HSD17B11: variants seen among roughly 807,000 people sequenced by gnomAD.
HSD17B11 encodes the protein estradiol 17-beta-dehydrogenase 11.
A neutral mutation model predicts 27.8 loss-of-function variants in HSD17B11; 22 were observed. That is an observed-to-expected ratio of 0.79 (90% CI 0.56 to 1.13). The LOEUF (loss-of-function observed/expected upper bound fraction) is 1.13. Ranked by LOEUF, HSD17B11 falls within the 50% of genes most tolerant of loss-of-function variation. HSD17B11 has a pLI of 0.00. For missense variants in HSD17B11, 314 were observed against 351.1 expected (o/e 0.89, Z 0.84); for synonymous variants, 117 against 132.8 (o/e 0.88, Z 0.82).
chr4:87,361,378 A>G (rs2110119357), intron 4 of HSD17B11, among the ~76,000 whole-genome samples: 1 of 152,306 alleles, frequency 6.6e-6, no homozygotes, highest in South Asian at 2.1e-4. Flanking sequence ...TGTTTAGCAT[A>G]TTATCAAAAA....
intron 4 of HSD17B11, among the ~76,000 whole-genome samples, chr4:87,361,517 T>C (rs1402814030): frequency 2.6e-5 from 4 of 152,254 alleles, no homozygotes; most frequent in East Asian, 1.9e-4. Context: ...CCTGTAATCC[T>C]GGCACTCTGG....
Position 87,344,924 on chromosome 4 carries a change from T to C in HSD17B11, c.696-4318A>G, listed in dbSNP as rs543309387. ...AGACAAATGAGAAACCACAAGAAAT[T>C]AGAAAATACTTTGAGGTGAACATAA... is the stretch of plus-strand genomic sequence containing the variant. On this transcript the variant is annotated intron_variant, in intron 5 of 6. Coordinates refer to ENST00000358290, the MANE Select transcript of HSD17B11 (RefSeq NM_016245.5). Among the ~76,000 whole-genome samples, 6 of 152,084 alleles carry C rather than the reference T, an allele frequency of 3.9e-5. No homozygotes were observed. In the South Asian group the frequency reaches 1.2e-3, roughly 32 times the overall value.
In HSD17B11 at chr4:87,370,755, A is replaced by ATTATTTT. The variant is rs70957229; in HGVS notation, c.557+1953_557+1954insAAAATAA. ...TATTATTATTATTATTATTATTATT[A>ATTATTTT]TTTTTTTTTTTTTTTGAGACGGAGT... On this transcript the variant is annotated intron_variant, in intron 4 of 6. Transcript: ENST00000358290. Among the ~76,000 whole-genome samples, 572 of 57,412 alleles carry ATTATTTT rather than the reference A, an allele frequency of 1.0e-2. 16 individuals are homozygous for ATTATTTT. Among genetic ancestry groups the ATTATTTT allele is most frequent in the East Asian group, 0.051 (122 of 2,406 alleles). 37.7% of individuals were successfully genotyped at this position (57,412 alleles called of 152,430 possible). A position where few individuals can be genotyped will look rare whatever the true frequency, so the allele number is the denominator to read the frequency against.
intron 2 of HSD17B11, among the ~76,000 whole-genome samples, chr4:87,377,790 A>AGT (rs1560768628): frequency 6.6e-6 from 1 of 152,218 alleles, no homozygotes; most frequent in African/African-American, 2.4e-5. Flanking sequence ...ATTTAGAGAT[A>AGT]GTGCTACAGT....
At chr4:87,341,531 T>C (rs1735169256) in intron 5 of HSD17B11, among the ~76,000 whole-genome samples, 1 of 152,164 alleles carries the variant, frequency 6.6e-6, no homozygotes, top group African/African-American at 2.4e-5. Context: ...CAAGTATATG[T>C]ACCACAGACT....
chr4:87,367,653 G>C (rs1007547039), intron 4 of HSD17B11, among the ~76,000 whole-genome samples: 2 of 152,198 alleles, frequency 1.3e-5, no homozygotes, highest in African/African-American at 2.4e-5. Context: ...AAGAACTATA[G>C]TATACTTGTT....
At chr4:87,366,290 G>T (rs770947026) in intron 4 of HSD17B11, among the ~76,000 whole-genome samples, 31 of 152,146 alleles carry the variant, frequency 2.0e-4, no homozygotes, top group Non-Finnish European at 3.7e-4. Context: ...TCTCTTAGAG[G>T]ACTTATCTGC....
At chr4:87,341,409 T>C (rs961573533) in intron 5 of HSD17B11, among the ~76,000 whole-genome samples, 5 of 152,186 alleles carry the variant, frequency 3.3e-5, no homozygotes, top group African/African-American at 1.2e-4. Flanking sequence ...TGGACTCAAG[T>C]GATCCGCCAG....
intron 1 of HSD17B11, among the ~76,000 whole-genome samples, chr4:87,386,602 A>C (rs1720326184): frequency 6.6e-6 from 1 of 152,232 alleles, no homozygotes; most frequent in African/African-American, 2.4e-5. Context: ...TCTTCAAAAA[A>C]AAAATGAATT....
At chr4:87,357,209 T>C (rs1735403929) in intron 5 of HSD17B11, 70 bp downstream of exon 5, 2 of 1,497,980 alleles carry the variant, frequency 1.3e-6, no homozygotes, top group Admixed American at 2.2e-5. Flanking sequence ...TTAAAACATT[T>C]AGGAAAACCC....
intron 1 of HSD17B11, among the ~76,000 whole-genome samples, chr4:87,387,533 TC>T (rs1269597809): frequency 6.6e-6 from 1 of 152,124 alleles, no homozygotes; most frequent in Non-Finnish European, 1.5e-5. Flanking sequence ...CTGCTCCAAA[TC>T]CCCACCCTGT....
intron 2 of HSD17B11, among the ~76,000 whole-genome samples, chr4:87,375,132 C>T (rs548628308): frequency 2.6e-5 from 4 of 152,306 alleles, no homozygotes; most frequent in South Asian, 2.1e-4. Flanking sequence ...CTCCTGATCT[C>T]AAGTGATCTG....
At chr4:87,381,878 C>T (rs751209851) in intron 2 of HSD17B11, among the ~76,000 whole-genome samples, 3 of 152,068 alleles carry the variant, frequency 2.0e-5, no homozygotes, top group Admixed American at 6.6e-5. Flanking sequence ...TCAGAAGACC[C>T]TGTCAGCAAT....
chr4:87,370,761 T>A (rs13126721), intron 4 of HSD17B11, among the ~76,000 whole-genome samples: 6,483 of 84,420 alleles, frequency 0.077, 943 homozygotes, highest in Non-Finnish European at 0.11. Context: ...TATTATTTTT[T>A]TTTTTTTTTG....
At chr4:87,379,539 C>T (rs1312307651) in intron 2 of HSD17B11, among the ~76,000 whole-genome samples, 1 of 145,302 alleles carries the variant, frequency 6.9e-6, no homozygotes, top group Non-Finnish European at 1.5e-5. Context: ...ACATATACAG[C>T]ATTATATACA....
Position 87,382,340 on chromosome 4 carries a change from G to A in HSD17B11, c.233C>T (p.Ala78Val), listed in dbSNP as rs948468267. ...CTTGGCACCCAGTCCCTTGCATTTG[G>A]CAGCTGTTTCCTCCAGTCCATGCTA... ...INKHGLEETA[A>V]KCKGLGAKVH... The change falls in exon 2 of 7, where the codon GCC (alanine) becomes GTC (valine). Residue 78 changes from alanine to valine, a missense_variant. Transcript: ENST00000358290. 2.5e-6 allele frequency: 4 copies of A among 1,613,438 alleles called. No homozygotes were observed. In the Admixed American group the frequency reaches 6.7e-5, roughly 27 times the overall value.
At chr4:87,361,704 T>C (rs1365116145) in intron 4 of HSD17B11, among the ~76,000 whole-genome samples, 1 of 152,174 alleles carries the variant, frequency 6.6e-6, no homozygotes, top group East Asian at 1.9e-4. Flanking sequence ...GAGGCGGAGC[T>C]TGCAGTGAGC....
At chr4:87,353,934 C>G (rs1735332701) in intron 5 of HSD17B11, among the ~76,000 whole-genome samples, 1 of 152,192 alleles carries the variant, frequency 6.6e-6, no homozygotes, top group Non-Finnish European at 1.5e-5. Context: ...TCACTACTTT[C>G]ATTCCTCAGA....
chr4:87,378,905 A>AATAT (rs1290386830), intron 2 of HSD17B11, among the ~76,000 whole-genome samples: 1 of 12,378 alleles, frequency 8.1e-5, no homozygotes, highest in African/African-American at 5.6e-4. Flanking sequence ...AATATATATA[A>AATAT]ATATATATAT....
Sources: gnomAD v4.1 joint callset for allele counts (sites outside exome capture counted in the v4.1 genomes callset) on GRCh38, gnomAD v4.1.1 for gene constraint, MANE v1.5 for transcripts, NCBI Gene and HGNC (gene_info 2026-07-23, HGNC 2026-07-21) for gene names.